The following TRIM2 variants were observed in gnomAD, a reference collection of about 807,000 sequenced individuals.
TRIM2 encodes the protein tripartite motif containing 2.
Under a neutral mutation model 75.2 loss-of-function variants are expected in TRIM2, and 20 were observed. The ratio of observed to expected loss-of-function variants is 0.27; its 90% CI spans 0.19 to 0.39. The LOEUF is 0.39. TRIM2 is among the 10% of genes least tolerant of loss of function. The probability of loss-of-function intolerance (pLI) is 1.00; values close to 1 mark genes in which losing one functional copy is unlikely to be tolerated. For synonymous variants in TRIM2, 373 were observed against 388.3 expected (o/e 0.96, Z 0.46); for missense variants, 660 against 990.8 (o/e 0.67, Z 4.48).
chr4:153,232,315 A>G (rs1222819108), intron 1 of TRIM2, among the ~76,000 whole-genome samples: 1 of 152,124 alleles, frequency 6.6e-6, no homozygotes, highest in Admixed American at 6.5e-5. Flanking sequence ...CCTGGCCAAC[A>G]TGGTGAAACC....
intron 1 of TRIM2, among the ~76,000 whole-genome samples, chr4:153,267,424 G>A (rs912199971): frequency 4.6e-5 from 7 of 152,070 alleles, no homozygotes; most frequent in South Asian, 2.1e-4. Flanking sequence ...AGGCTGAGGC[G>A]GGTGGATCAC....
chr4:153,307,713 C>T, intron 6 of TRIM2: 1 of 569,846 alleles, frequency 1.8e-6, no homozygotes. Context: ...GACCTGTTAG[C>T]TGGAAGCATG....
At position 153,216,560 on chromosome 4, in the gene TRIM2, T is replaced by A. The variant is rs116195908; in HGVS notation, c.30+12000T>A. Among the ~76,000 whole-genome samples, 475 of 152,344 alleles carry A rather than the reference T, an allele frequency of 3.1e-3. 2 individuals carry two copies. Among genetic ancestry groups the A allele is most frequent in the Non-Finnish European group, 5.4e-3 (366 of 68,022 alleles). On this transcript the variant is annotated intron_variant, in intron 1 of 11. Coordinates refer to ENST00000338700, the MANE Select transcript of TRIM2 (RefSeq NM_015271.5). Reference sequence around the variant, plus strand: ...CAAAAGGAGGCATGTCTCTCAATGCTTCCCTTAGTTTCTATCCCCAGAAGT... The same window carrying A: ...CAAAAGGAGGCATGTCTCTCAATGCATCCCTTAGTTTCTATCCCCAGAAGT...
chr4:153,221,985 AGGG>A (rs1740484385), intron 1 of TRIM2, among the ~76,000 whole-genome samples: 1 of 59,196 alleles, frequency 1.7e-5, no homozygotes. Flanking sequence ...GAAGGAAGGA[AGGG>A]AGAGAGGAAG....
Position 153,204,478 on chromosome 4 carries a change from C to A in TRIM2, c.-53C>A. ...TGACTATAATGGGCCCAGTTGTCTG[C>A]GGGCTGCGGGGAGCTAAGTCCCCAG... On this transcript the variant is annotated 5_prime_UTR_variant, in exon 1 of 12. The change creates a premature stop within an existing upstream ORF in the 5' untranslated region. Coordinates refer to ENST00000338700, the MANE Select transcript of TRIM2 (RefSeq NM_015271.5). The A allele has an allele frequency of 6.5e-7, 1 of 1,548,378 alleles. No individual in the cohort carries two copies. Among genetic ancestry groups the A allele is most frequent in the Admixed American group, 2.0e-5 (1 of 51,002 alleles).
chr4:153,191,796 A>G (rs1733215439), intron 1 of TRIM2, among the ~76,000 whole-genome samples: 1 of 152,194 alleles, frequency 6.6e-6, no homozygotes, highest in Non-Finnish European at 1.5e-5. Flanking sequence ...ACAGTCTGCA[A>G]TGTTTAACAA....
chr4:153,203,420 C>T (rs1734650814), upstream of TRIM2, among the ~76,000 whole-genome samples: 3 of 151,684 alleles, frequency 2.0e-5, no homozygotes, highest in Admixed American at 6.6e-5. Flanking sequence ...CACACACACA[C>T]ACACACACAC....
In TRIM2 at chr4:153,204,558, C is replaced by G; in HGVS notation, c.28C>G (p.Gln10Glu). 6.4e-7 allele frequency: 1 copy of G among 1,551,666 alleles called. No individual in the cohort carries two copies. The highest frequency in any genetic ancestry group is 8.7e-7 in the Non-Finnish European group (1 of 1,146,998). The stretch of plus-strand genomic sequence containing the variant: ...GCACAGGAGTGGCCGTTATGGAACG[C>G]AGGTAAGGACGCTTCTCAATGTGGG... MHRSGRYGT[Q>E]QQRAGSKTAG... Residue 10 changes from glutamine to glutamate, a missense_variant and splice_region_variant, in exon 1 of 12, where the codon CAG (glutamine) becomes GAG (glutamate). Around this residue, in one of 2 missense-constraint regions of TRIM2, gnomAD observed 620 missense variants for 891.0 expected, o/e 0.70. Coordinates refer to ENST00000338700, the MANE Select transcript of TRIM2 (RefSeq NM_015271.5).
At chr4:153,291,041 A>C (rs1409794814) in intron 3 of TRIM2, among the ~76,000 whole-genome samples, 3 of 151,580 alleles carry the variant, frequency 2.0e-5, no homozygotes, top group Non-Finnish European at 4.4e-5. Context: ...GCCTTATATG[A>C]CAAAAAAAAA....
chr4:153,244,974 C>T (rs1162571792), intron 1 of TRIM2, among the ~76,000 whole-genome samples: 1 of 152,184 alleles, frequency 6.6e-6, no homozygotes. Flanking sequence ...TTTTCCCCAG[C>T]TTTCTTCATT....
intron 1 of TRIM2, among the ~76,000 whole-genome samples, chr4:153,210,452 G>A (rs141841909): frequency 1.3e-5 from 2 of 152,140 alleles, no homozygotes; most frequent in African/African-American, 2.4e-5. Context: ...AAATCTGCAA[G>A]GCCATCTTTT....
chr4:153,274,562 G>T (rs777114936), intron 2 of TRIM2, among the ~76,000 whole-genome samples: 7 of 152,166 alleles, frequency 4.6e-5, no homozygotes, highest in Non-Finnish European at 7.3e-5. Flanking sequence ...TCTGTGGGAA[G>T]AAATATAATT....
At chr4:153,252,535 G>T (rs1471759391) in intron 1 of TRIM2, among the ~76,000 whole-genome samples, 1 of 152,134 alleles carries the variant, frequency 6.6e-6, no homozygotes, top group Non-Finnish European at 1.5e-5. Context: ...TTTCTGAGAT[G>T]GAGTCTCACT....
intron 3 of TRIM2, among the ~76,000 whole-genome samples, chr4:153,278,689 G>A (rs1169334706): frequency 6.6e-6 from 1 of 151,736 alleles, no homozygotes; most frequent in Non-Finnish European, 1.5e-5. Context: ...AGTCCCAGCT[G>A]TTCAGAGGCT....
rs147461787 is a variant in TRIM2 at position 153,308,316 on chromosome 4, A to G, written c.1511-7169A>G. The stretch of plus-strand genomic sequence containing the variant: ...GTCCTTCTCCAGATCAGTCTTGTAC[A>G]TTTCCTTGTAGACTCTGTTAATTTC... On this transcript the variant is annotated intron_variant, in intron 6 of 11. Transcript: ENST00000338700. 1,870 of 1,433,754 alleles carry G rather than the reference A, an allele frequency of 1.3e-3. 22 individuals are homozygous for G. In the African/African-American group the frequency reaches 0.023, roughly 18 times the overall value. The allele number at this position is 1,433,754 out of a possible 1,614,324, so 88.8% of individuals were successfully genotyped here.
Position 153,338,618 on chromosome 4 carries a change from TAAAG to T in TRIM2, c.*3655_*3658del, listed in dbSNP as rs1772726622. ...CCATCAAAGATTTGTTTGGTATAAA[TAAAG>T]AATTATTTGTTTTGTTTTCAATGAC... On this transcript the variant is annotated 3_prime_UTR_variant, in exon 12 of 12. Transcript: ENST00000338700. 40 of 985,308 alleles carry T rather than the reference TAAAG, an allele frequency of 4.1e-5. No homozygotes were observed. Among genetic ancestry groups the T allele is most frequent in the Middle Eastern group, 5.2e-4 (1 of 1,936 alleles). The allele number at this position is 985,308 out of a possible 1,614,324, so 61.0% of individuals were successfully genotyped here.
At chr4:153,289,288 AT>A (rs1374493516) in intron 3 of TRIM2, among the ~76,000 whole-genome samples, 2 of 151,758 alleles carry the variant, frequency 1.3e-5, no homozygotes, top group African/African-American at 2.4e-5. Flanking sequence ...ATTATTTTAT[AT>A]TTTTTTCGTT....
intron 1 of TRIM2, among the ~76,000 whole-genome samples, chr4:153,233,525 C>T (rs1744211857): frequency 6.6e-6 from 1 of 152,072 alleles, no homozygotes; most frequent in African/African-American, 2.4e-5. Flanking sequence ...ATTATATCAC[C>T]CCCAAAATTC....
intron 1 of TRIM2, among the ~76,000 whole-genome samples, chr4:153,265,318 T>G (rs1369064447): frequency 6.6e-6 from 1 of 150,636 alleles, no homozygotes; most frequent in Non-Finnish European, 1.5e-5. Context: ...AGTTTTTTTT[T>G]GTTTTGTTTT....
Sources: gnomAD v4.1 joint callset for allele counts (sites outside exome capture counted in the v4.1 genomes callset) on GRCh38, gnomAD v4.1.1 for gene constraint, gnomAD v4.1.1 regional missense constraint, MANE v1.5 for transcripts, NCBI Gene and HGNC (gene_info 2026-07-23, HGNC 2026-07-21) for gene names.